The following YAE1 variants were observed in gnomAD, a reference collection of about 807,000 sequenced individuals.
YAE1 encodes the protein protein YAE1 homolog.
In YAE1, 22 loss-of-function variants were observed where a neutral mutation model predicts 23.0. The observed-to-expected ratio is 0.96, with a 90% CI of 0.68 to 1.37. The LOEUF (loss-of-function observed/expected upper bound fraction) is 1.37, where lower values mean the gene tolerates loss of function less well. Ranked by LOEUF, YAE1 falls within the 40% of genes most tolerant of loss-of-function variation. The pLI, the probability that YAE1 is intolerant of heterozygous loss-of-function variation, is 0.00. For missense variants in YAE1, 260 were observed against 262.1 expected (o/e 0.99, Z 0.06); for synonymous variants, 101 against 97.0 (o/e 1.04, Z -0.24).
At chr7:39,579,200 A>T (rs1476637253) in intron 2 of YAE1, among the ~76,000 whole-genome samples, 2 of 152,218 alleles carry the variant, frequency 1.3e-5, no homozygotes, top group Admixed American at 1.3e-4. Context: ...AGCTGCTTTT[A>T]TGCCCATCTT....
chr7:39,595,028 A>G (rs56723786), intron 2 of YAE1, among the ~76,000 whole-genome samples: 10,000 of 152,034 alleles, frequency 0.066, 1,130 homozygotes, highest in African/African-American at 0.23. Flanking sequence ...TTTGTTTTTA[A>G]TCTTTTAGAG....
intron 2 of YAE1, chr7:39,571,134 C>G (rs1790557203): frequency 1.3e-5 from 2 of 152,550 alleles, no homozygotes; most frequent in Admixed American, 6.5e-5. Context: ...GTTTGATGCT[C>G]TATACCAAGC....
chr7:39,579,321 A>T (rs1379800012), intron 2 of YAE1, among the ~76,000 whole-genome samples: 1 of 152,140 alleles, frequency 6.6e-6, no homozygotes, highest in Non-Finnish European at 1.5e-5. Flanking sequence ...CAGAGTGTGT[A>T]CTCAGGGTGG....
chr7:39,586,547 G>T (rs1364263060), intron 2 of YAE1, among the ~76,000 whole-genome samples: 1 of 150,350 alleles, frequency 6.7e-6, no homozygotes, highest in Non-Finnish European at 1.5e-5. Flanking sequence ...GCCCAGGCTG[G>T]AGTGCAGTGG....
chr7:39,591,594 C>A (rs986387087), intron 2 of YAE1, among the ~76,000 whole-genome samples: 6 of 151,850 alleles, frequency 4.0e-5, no homozygotes, highest in African/African-American at 1.5e-4. Context: ...TACCTCCTGC[C>A]CCCACACATG....
intron 2 of YAE1, among the ~76,000 whole-genome samples, chr7:39,588,834 T>G (rs879713819): frequency 1.2e-4 from 18 of 152,122 alleles, no homozygotes; most frequent in Non-Finnish European, 2.1e-4. Flanking sequence ...TTTTTTTTCT[T>G]TTTTTTGGAG....
chr7:39,566,614 G>C (rs1790472368), intron 1 of YAE1, 67 bp downstream of exon 1: 6 of 1,598,866 alleles, frequency 3.8e-6, no homozygotes, highest in Non-Finnish European at 5.1e-6. Flanking sequence ...TGAAGAAGCT[G>C]GGTCCAGAGT....
At position 39,578,696 on chromosome 7, in the gene YAE1, T is replaced by C. The variant is rs142823034; in HGVS notation, c.251+8069T>C. Reference sequence around the variant, plus strand: ...GAAAGAAACTCCGAACACGTCTGAATATCAGAAGGAACAACCTCCGGACAC... The same window carrying C: ...GAAAGAAACTCCGAACACGTCTGAACATCAGAAGGAACAACCTCCGGACAC... On this transcript the variant is annotated intron_variant, in intron 2 of 2. Transcript: ENST00000432096. Among the ~76,000 whole-genome samples the C allele has an allele frequency of 9.4e-3, 1,427 of 152,238 alleles. 14 individuals carry two copies. Among genetic ancestry groups the C allele is most frequent in the Non-Finnish European group, 0.014 (975 of 68,014 alleles).
chr7:39,577,383 G>A (rs1235714558), downstream of YAE1, among the ~76,000 whole-genome samples: 2 of 152,212 alleles, frequency 1.3e-5, no homozygotes, highest in African/African-American at 4.8e-5. Context: ...CGCTGTGGGA[G>A]CCCCTCTCTG....
At chr7:39,608,265 C>T (rs564892611) in intron 2 of YAE1, among the ~76,000 whole-genome samples, 47 of 152,256 alleles carry the variant, frequency 3.1e-4, no homozygotes, top group African/African-American at 1.0e-3. Context: ...ATTTATTTAA[C>T]GCCTATAAAA....
exon 3 of YAE1, chr7:39,610,043 G>C (rs926396103): frequency 6.8e-7 from 1 of 1,468,940 alleles, no homozygotes; most frequent in African/African-American, 1.4e-5. Flanking sequence ...TCAGTCCTCA[G>C]CACCCAGCAC....
At chr7:39,603,456 A>G (rs1791084348) in intron 2 of YAE1, among the ~76,000 whole-genome samples, 2 of 152,134 alleles carry the variant, frequency 1.3e-5, no homozygotes, top group Admixed American at 1.3e-4. Flanking sequence ...GAGTTTTGAT[A>G]TGCAAAAGTA....
At chr7:39,603,488 G>A (rs1213241394) in intron 2 of YAE1, among the ~76,000 whole-genome samples, 2 of 152,110 alleles carry the variant, frequency 1.3e-5, no homozygotes, top group Non-Finnish European at 2.9e-5. Flanking sequence ...CTAAGTAGGT[G>A]GAAAACTAAA....
downstream of YAE1, among the ~76,000 whole-genome samples, chr7:39,575,537 G>GGAGAGAGAGAGAGAGGGAGAGAGAGAGA (rs1790638939): frequency 4.6e-5 from 6 of 131,282 alleles, no homozygotes; most frequent in East Asian, 2.5e-4. Flanking sequence ...CTAAGATACA[G>GGAGAGAGAGAGAGAGGGAGAGAGAGAGA]GAGAGAGAGA....
chr7:39,610,311 T>C, exon 3 of YAE1: 1 of 490,672 alleles, frequency 2.0e-6, no homozygotes, highest in African/African-American at 1.9e-5. Context: ...GGTACCAGGT[T>C]TGACCTCAAG....
chr7:39,570,785 A>C, intron 2 of YAE1, 158 bp downstream of exon 2: 1 of 893,306 alleles, frequency 1.1e-6, no homozygotes, highest in South Asian at 2.3e-5. Context: ...CAAAAAGTCA[A>C]AATCTTTATC....
In YAE1 at chr7:39,609,856, G is replaced by GCC. The variant is rs1791183992; in HGVS notation, c.491_492insCC (p.Phe166ValfsTer47). 1 of 1,533,448 alleles carries GCC rather than the reference G, an allele frequency of 6.5e-7. No individual in the cohort carries two copies. The highest frequency in any genetic ancestry group is 1.4e-5 in the African/African-American group (1 of 72,934). 95.0% of individuals were successfully genotyped at this position (1,533,448 alleles called of 1,614,324 possible). A position where few individuals can be genotyped will look rare whatever the true frequency, so the allele number is the denominator to read the frequency against. On this transcript the variant is annotated frameshift_variant, in exon 3 of 3. Transcript: ENST00000432096. LOFTEE classifies it low-confidence loss of function (END_TRUNC). ...GGCCCTGGGACGCCGAGCCACCGCCGGCGTTTCAGACGCAAACCCCACCGC... is the reference window on the plus strand; with the variant it reads ...GGCCCTGGGACGCCGAGCCACCGCCGCCGCGTTTCAGACGCAAACCCCACCGC...
At chr7:39,575,577 A>AGAGAGAGAGAGAGAGTGTGTGT (rs1173016799), downstream of YAE1, among the ~76,000 whole-genome samples, 6 of 80,268 alleles carry the variant, frequency 7.5e-5, no homozygotes, top group East Asian at 3.1e-4. Flanking sequence ...AGAGAGAGAG[A>AGAGAGAGAGAGAGAGTGTGTGT]GTGAGTGTGT....
chr7:39,571,761 A>C (rs1488531212), intron 2 of YAE1, among the ~76,000 whole-genome samples: 1 of 152,204 alleles, frequency 6.6e-6, no homozygotes, highest in Non-Finnish European at 1.5e-5. Flanking sequence ...TAGTTCAGCA[A>C]ACAGTTTCTA....
Sources: gnomAD v4.1 joint callset for allele counts (sites outside exome capture counted in the v4.1 genomes callset) on GRCh38, gnomAD v4.1.1 for gene constraint, MANE v1.5 for transcripts, NCBI Gene and HGNC (gene_info 2026-07-23, HGNC 2026-07-21) for gene names.